ECHDC3: variants seen among roughly 807,000 people sequenced by gnomAD.
ECHDC3 encodes enoyl-CoA hydratase domain-containing protein 3, mitochondrial.
A neutral mutation model predicts 17.9 loss-of-function variants in ECHDC3; 20 were observed. That is an observed-to-expected ratio of 1.12 (90% confidence interval 0.79 to 1.63). The LOEUF (loss-of-function observed/expected upper bound fraction) is 1.63, where lower values mean the gene tolerates loss of function less well. Ranked by LOEUF, ECHDC3 falls within the 40% of genes most tolerant of loss-of-function variation. The pLI is 0.00. For synonymous variants in ECHDC3, 177 were observed against 149.7 expected (o/e 1.18, Z -1.33); for missense variants, 407 against 357.7 (o/e 1.14, Z -1.11).
chr10:11,746,993 A>G (rs1337805638), intron 1 of ECHDC3, among the ~76,000 whole-genome samples: 1 of 152,204 alleles, frequency 6.6e-6, no homozygotes, highest in African/African-American at 2.4e-5. Context: ...AGATTTCTCC[A>G]GCGCCTGCTA....
intron 3 of ECHDC3, among the ~76,000 whole-genome samples, chr10:11,753,611 T>G (rs747661748): frequency 5.3e-5 from 8 of 152,118 alleles, no homozygotes; most frequent in Non-Finnish European, 8.8e-5. Context: ...CAGCAAGACT[T>G]TAGAAGTTCT....
intron 1 of ECHDC3, among the ~76,000 whole-genome samples, chr10:11,746,252 C>T (rs142017230): frequency 0.017 from 2,619 of 150,166 alleles, 38 homozygotes; most frequent in Middle Eastern, 0.034. Flanking sequence ...CACTTGAACC[C>T]GGGAGGCAGA....
intron 4 of ECHDC3, among the ~76,000 whole-genome samples, chr10:11,757,303 G>T (rs1425803400): frequency 6.6e-6 from 1 of 152,104 alleles, no homozygotes; most frequent in Admixed American, 6.5e-5. Flanking sequence ...TATTAAATTT[G>T]ATTCCTAGAA....
intron 1 of ECHDC3, among the ~76,000 whole-genome samples, chr10:11,746,466 AAG>A (rs1323053983): frequency 3.3e-5 from 5 of 152,156 alleles, no homozygotes; most frequent in Non-Finnish European, 7.3e-5. Context: ...AACTAACTAA[AAG>A]AGTATCATTG....
intron 4 of ECHDC3, among the ~76,000 whole-genome samples, chr10:11,758,073 A>G (rs1407116799): frequency 6.6e-6 from 1 of 152,096 alleles, no homozygotes; most frequent in Non-Finnish European, 1.5e-5. Flanking sequence ...CTCACACTGG[A>G]TAAGACAACA....
intron 4 of ECHDC3, among the ~76,000 whole-genome samples, chr10:11,761,393 T>C (rs985978937): frequency 4.6e-5 from 7 of 152,140 alleles, no homozygotes; most frequent in Non-Finnish European, 8.8e-5. Context: ...TATCCAAACG[T>C]CAGTATCACC....
chr10:11,761,652 A>G (rs10752232), intron 4 of ECHDC3, among the ~76,000 whole-genome samples: 100,524 of 151,720 alleles, frequency 0.66, 33,818 homozygotes, highest in Non-Finnish European at 0.71. Flanking sequence ...CTGGGCCCCC[A>G]CAAGGGTAGT....
chr10:11,758,295 G>A (rs919326182), intron 4 of ECHDC3, among the ~76,000 whole-genome samples: 4 of 152,142 alleles, frequency 2.6e-5, no homozygotes, highest in African/African-American at 7.2e-5. Context: ...CCTGCCTGGC[G>A]CAGCTGCTCC....
chr10:11,747,482 A>C lies in ECHDC3; in HGVS notation c.292+12A>C. ...CATTATCATCTCGGGTATGTATCTG[A>C]TATCTGTCCTTAGTATTCTGCAGTG... On this transcript the variant is annotated intron_variant, in intron 2 of 4. Transcript: ENST00000379215. 1 of 1,613,094 alleles carries C rather than the reference A, an allele frequency of 6.2e-7. No individual in the cohort carries two copies. Among genetic ancestry groups the C allele is most frequent in the Non-Finnish European group, 8.5e-7 (1 of 1,179,792 alleles).
chr10:11,743,274 C>G (rs147891563), intron 1 of ECHDC3, among the ~76,000 whole-genome samples: 1 of 152,206 alleles, frequency 6.6e-6, no homozygotes, highest in South Asian at 2.1e-4. Flanking sequence ...CTTGCCTGGC[C>G]GGGGCAAGGG....
In ECHDC3 at chr10:11,742,752, C is replaced by A. The variant is rs1394416477; in HGVS notation, c.170+6C>A. 1.6e-6 allele frequency: 2 copies of A among 1,227,260 alleles called. No individual in the cohort carries two copies. Among genetic ancestry groups the A allele is most frequent in the Non-Finnish European group, 2.0e-6 (2 of 984,898 alleles). 76.0% of individuals were successfully genotyped at this position (1,227,260 alleles called of 1,614,324 possible). On this transcript the variant is annotated splice_donor_region_variant and intron_variant, in intron 1 of 4. Transcript: ENST00000379215. The stretch of plus-strand genomic sequence containing the variant: ...CGGCAGCTGGACGGCATAAGGTCAG[C>A]CCCGGGCCGCGCGGGCTCCTCGCGT...
intron 3 of ECHDC3, among the ~76,000 whole-genome samples, chr10:11,752,912 G>T (rs527745705): frequency 1.3e-5 from 2 of 152,190 alleles, no homozygotes; most frequent in Non-Finnish European, 1.5e-5. Context: ...TGAGAATACA[G>T]CATCCTAGTC....
At chr10:11,758,805 G>A (rs1026749763) in intron 4 of ECHDC3, among the ~76,000 whole-genome samples, 6 of 152,234 alleles carry the variant, frequency 3.9e-5, no homozygotes, top group Admixed American at 2.6e-4. Context: ...GAATGCATGT[G>A]TGTGTGTGCA....
intron 4 of ECHDC3, among the ~76,000 whole-genome samples, chr10:11,762,895 T>A (rs1238349289): frequency 6.6e-6 from 1 of 151,940 alleles, no homozygotes; most frequent in South Asian, 2.1e-4. Flanking sequence ...CTGCAGTGTC[T>A]GTGGGGCATC....
chr10:11,755,787 C>G (rs1588464786), intron 4 of ECHDC3, 179 bp downstream of exon 4: 1 of 578,604 alleles, frequency 1.7e-6, no homozygotes, highest in East Asian at 3.0e-5. Context: ...GAGGGAAGAG[C>G]CGACCGCCTG....
At chr10:11,747,588 A>G (rs1440802644) in intron 2 of ECHDC3, 118 bp downstream of exon 2, 21 of 1,277,848 alleles carry the variant, frequency 1.6e-5, no homozygotes, top group Admixed American at 2.1e-5. Context: ...CTCCTTTACA[A>G]GAACATTAAT....
At chr10:11,757,828 A>G (rs1181422348) in intron 4 of ECHDC3, among the ~76,000 whole-genome samples, 1 of 152,196 alleles carries the variant, frequency 6.6e-6, no homozygotes, top group African/African-American at 2.4e-5. Flanking sequence ...GGATTTGCAG[A>G]TCTAATTGTG....
chr10:11,759,133 C>T (rs1316601617), intron 4 of ECHDC3, among the ~76,000 whole-genome samples: 10 of 152,174 alleles, frequency 6.6e-5, no homozygotes, highest in Admixed American at 5.2e-4. Flanking sequence ...GCGGGTGGAT[C>T]ACCTGAGATC....
intron 2 of ECHDC3, among the ~76,000 whole-genome samples, chr10:11,748,886 AAACAAC>A (rs1163959742): frequency 6.6e-6 from 1 of 152,232 alleles, no homozygotes; most frequent in Non-Finnish European, 1.5e-5. Flanking sequence ...ACTCTGTCTC[AAACAAC>A]AACAACAGCA....
Sources: allele counts gnomAD v4.1 joint callset (sites outside exome capture counted in the v4.1 genomes callset), GRCh38; gene constraint gnomAD v4.1.1; transcripts MANE v1.5; gene names NCBI Gene and HGNC (gene_info 2026-07-23, HGNC 2026-07-21).